Variants in PTH1R observed in about 807,000 individuals in gnomAD.
PTH1R encodes parathyroid hormone 1 receptor.
Under a neutral mutation model 70.7 loss-of-function variants are expected in PTH1R, and 32 were observed. The observed-to-expected ratio is 0.45, with a 90% CI of 0.34 to 0.61. The LOEUF is 0.61. Among genes scored for constraint, PTH1R ranks in the 20% least tolerant of loss-of-function variants. PTH1R has a pLI of 0.01. For synonymous variants in PTH1R, 329 were observed against 324.8 expected (o/e 1.01, Z -0.14); for missense variants, 626 against 792.5 (o/e 0.79, Z 2.52).
In PTH1R at chr3:46,901,360, C is replaced by A; in HGVS notation, c.1050-54C>A. On this transcript the variant is annotated intron_variant, in intron 11 of 15. Transcript: ENST00000449590. This position sits in a 1 kb window ranked among gnomAD's most constrained non-coding sequence, Gnocchi z 7.3. ...CAGACCAAATCTGGGTCTCTGTGGG[C>A]AGTCTTAGGATGGGAACAGGAGGGA... 2 of 1,544,840 alleles carry A rather than the reference C, an allele frequency of 1.3e-6. No homozygotes were observed. Among genetic ancestry groups the A allele is most frequent in the South Asian group, 1.2e-5 (1 of 83,956 alleles).
chr3:46,898,507 G>A (rs1559535663), intron 8 of PTH1R, 35 bp downstream of exon 8: 2 of 1,608,024 alleles, frequency 1.2e-6, no homozygotes, highest in South Asian at 1.1e-5. Context: ...GCGGGACATG[G>A]TGGAGGGGGG....
intron 1 of PTH1R, among the ~76,000 whole-genome samples, chr3:46,878,186 G>C (rs1360156787): frequency 2.0e-5 from 3 of 152,214 alleles, no homozygotes; most frequent in African/African-American, 7.2e-5. Context: ...CAAGGGAAGG[G>C]GGCTACCCAG....
At chr3:46,898,534 G>C in intron 8 of PTH1R, 62 bp downstream of exon 8, 4 of 1,603,142 alleles carry the variant, frequency 2.5e-6, no homozygotes, top group Non-Finnish European at 3.4e-6. Context: ...GCCGAGGTCT[G>C]ATGCGACCCC....
chr3:46,903,695 G>C lies in PTH1R; in HGVS notation c.*39G>C. 1.2e-6 allele frequency: 2 copies of C among 1,601,996 alleles called. No individual in the cohort carries two copies. The highest frequency in any genetic ancestry group is 1.7e-5 in the Admixed American group (1 of 60,016). ...GCTGGACCTGCTGACATAGTGGATG[G>C]ACAGATGGACCAAAAGATGGGTGGT... On this transcript the variant is annotated 3_prime_UTR_variant, in exon 16 of 16. Transcript: ENST00000449590. This position sits in a 1 kb window ranked among gnomAD's most constrained non-coding sequence, Gnocchi z 4.4.
At chr3:46,895,098 A>C (rs1217221185) in intron 4 of PTH1R, among the ~76,000 whole-genome samples, 17 of 151,090 alleles carry the variant, frequency 1.1e-4, no homozygotes, top group Non-Finnish European at 2.2e-4. Flanking sequence ...CAAACAAAAA[A>C]AAAAAACGTC....
At position 46,879,605 on chromosome 3, in the gene PTH1R, G is replaced by A. The variant is rs1016141408; in HGVS notation, c.-105-1457G>A. Among the ~76,000 whole-genome samples, 5 of 152,174 alleles carry A rather than the reference G, an allele frequency of 3.3e-5. No homozygotes were observed. Among genetic ancestry groups the A allele is most frequent in the Non-Finnish European group, 5.9e-5 (4 of 68,030 alleles). Reference sequence around the variant, plus strand: ...AAAAAAAAAATTTTTTAATTACCCAGGTGTGGTAGCTCATGCCTGTGGTGC... The same window carrying A: ...AAAAAAAAAATTTTTTAATTACCCAAGTGTGGTAGCTCATGCCTGTGGTGC... On this transcript the variant is annotated intron_variant, in intron 1 of 15. Transcript: ENST00000449590. This position sits in a 1 kb window ranked among gnomAD's most constrained non-coding sequence, Gnocchi z 4.7.
At chr3:46,899,242 C>T (rs2031967068) in intron 9 of PTH1R, 61 bp from the exon 10 acceptor site, 1 of 1,609,494 alleles carries the variant, frequency 6.2e-7, no homozygotes, top group East Asian at 2.2e-5. Flanking sequence ...AGCCCCCCAG[C>T]CCAGCCCTGA....
intron 10 of PTH1R, among the ~76,000 whole-genome samples, chr3:46,899,725 G>A (rs2032001479): frequency 6.6e-6 from 1 of 152,216 alleles, no homozygotes; most frequent in East Asian, 1.9e-4. Context: ...ATCAGGCCAA[G>A]ATTCAGCTCA....
In PTH1R at chr3:46,892,887, A is replaced by T. The variant is rs1273477268; in HGVS notation, c.76-1020A>T. The T allele has an allele frequency of 1.4e-5, 12 of 853,154 alleles. No individual in the cohort carries two copies. The highest frequency in any genetic ancestry group is 3.6e-5 in the African/African-American group (2 of 54,840). The allele number at this position is 853,154 out of a possible 1,614,324, so 52.8% of individuals were successfully genotyped here. A position where few individuals can be genotyped will look rare whatever the true frequency, so the allele number is the denominator to read the frequency against. ...GTCTGAGGAAACACGACCCTGAATTAAGAGGGATGGGGCTGAGGGCTTCAC... is the reference window on the plus strand; with the variant it reads ...GTCTGAGGAAACACGACCCTGAATTTAGAGGGATGGGGCTGAGGGCTTCAC... On this transcript the variant is annotated intron_variant, in intron 3 of 15. Transcript: ENST00000449590. The surrounding 1 kb of genome is among the most constrained non-coding windows in gnomAD (Gnocchi z 5.2).
At position 46,893,110 on chromosome 3, in the gene PTH1R, G is replaced by A. The variant is rs892635354; in HGVS notation, c.76-797G>A. ...TCTTATAATGAGGCCAGTGAGTCCC[G>A]GTGGGTGGCAGCCAGGGCCCAGGGT... is the stretch of plus-strand genomic sequence containing the variant. On this transcript the variant is annotated intron_variant, in intron 3 of 15. Coordinates refer to ENST00000449590, the MANE Select transcript of PTH1R (RefSeq NM_000316.3). The surrounding 1 kb of genome is among the most constrained non-coding windows in gnomAD (Gnocchi z 5.2). Among the ~76,000 whole-genome samples the A allele has an allele frequency of 6.6e-6, 1 of 152,134 alleles. No homozygotes were observed. Among genetic ancestry groups the A allele is most frequent in the African/African-American group, 2.4e-5 (1 of 41,420 alleles).
chr3:46,897,802 C>A, intron 5 of PTH1R, 53 bp from the exon 6 acceptor site: 1 of 1,490,484 alleles, frequency 6.7e-7, no homozygotes, highest in Non-Finnish European at 9.3e-7. Context: ...GGTCACTAAT[C>A]ATGGCCTTGA....
intron 3 of PTH1R, among the ~76,000 whole-genome samples, chr3:46,889,806 G>C (rs1056232742): frequency 6.6e-6 from 1 of 152,154 alleles, no homozygotes; most frequent in Non-Finnish European, 1.5e-5. Context: ...CCCAGCCCCA[G>C]TCCCTCAGTC....
chr3:46,888,675 T>A (rs920056041), intron 3 of PTH1R, among the ~76,000 whole-genome samples: 3 of 152,224 alleles, frequency 2.0e-5, no homozygotes, highest in Admixed American at 6.5e-5. Context: ...GCCAGTCTTA[T>A]GCCCGAGGTG....
Position 46,902,840 on chromosome 3 carries a change from G to T in PTH1R, c.1395+50G>T, listed in dbSNP as rs1342798411. 1 of 1,607,786 alleles carries T rather than the reference G, an allele frequency of 6.2e-7. No individual in the cohort carries two copies. Among genetic ancestry groups the T allele is most frequent in the South Asian group, 1.1e-5 (1 of 90,934 alleles). The stretch of plus-strand genomic sequence containing the variant: ...AGGGCAGGGTGGGGCAGATACCCCA[G>T]AGGCTTCCTCAAGGCTCATTTCTCC... On this transcript the variant is annotated intron_variant, in intron 15 of 15. Coordinates refer to ENST00000449590, the MANE Select transcript of PTH1R (RefSeq NM_000316.3). The surrounding 1 kb of genome is among the most constrained non-coding windows in gnomAD (Gnocchi z 5.4).
chr3:46,892,770 A>G lies in PTH1R; in HGVS notation c.76-1137A>G. 1 of 985,650 alleles carries G rather than the reference A, an allele frequency of 1.0e-6. No individual in the cohort carries two copies. The highest frequency in any genetic ancestry group is 1.2e-6 in the Non-Finnish European group (1 of 830,170). 61.1% of individuals were successfully genotyped at this position (985,650 alleles called of 1,614,324 possible). On this transcript the variant is annotated intron_variant, in intron 3 of 15. Coordinates refer to ENST00000449590, the MANE Select transcript of PTH1R (RefSeq NM_000316.3). This position sits in a 1 kb window ranked among gnomAD's most constrained non-coding sequence, Gnocchi z 5.2. ...CCCCGGCCCCGCCTTGGCGCGTCTG[A>G]AGGATGCAGCTCTGCCGCGGAGCTG...
rs1259165957 is a variant in PTH1R at position 46,879,697 on chromosome 3, T to A, written c.-105-1365T>A. On this transcript the variant is annotated intron_variant, in intron 1 of 15. Transcript: ENST00000449590. This position sits in a 1 kb window ranked among gnomAD's most constrained non-coding sequence, Gnocchi z 4.7. ...AGGAGGTCAAGGCTGCTGTGAGCCATGACCGTGCCACTGCACTCCAGCCTG... is the reference window on the plus strand; with the variant it reads ...AGGAGGTCAAGGCTGCTGTGAGCCAAGACCGTGCCACTGCACTCCAGCCTG... Among the ~76,000 whole-genome samples the A allele has an allele frequency of 7.9e-5, 12 of 152,058 alleles. 1 individual carries two copies. The East Asian group carries it at 2.3e-3, about 29-fold the overall frequency.
chr3:46,900,190 G>A (rs973089370), intron 10 of PTH1R, among the ~76,000 whole-genome samples: 8 of 152,092 alleles, frequency 5.3e-5, no homozygotes, highest in African/African-American at 1.4e-4. Flanking sequence ...CCTGCCCCTC[G>A]ACATACATCC....
At chr3:46,888,751 G>A (rs2031197648) in intron 3 of PTH1R, among the ~76,000 whole-genome samples, 1 of 152,134 alleles carries the variant, frequency 6.6e-6, no homozygotes, top group Non-Finnish European at 1.5e-5. Context: ...TGTTCTTCTG[G>A]GCCTTGATTC....
At chr3:46,898,951 C>A in intron 9 of PTH1R, 94 bp downstream of exon 9, 1 of 936,478 alleles carries the variant, frequency 1.1e-6, no homozygotes, top group African/African-American at 1.7e-5. Flanking sequence ...GCCCTGCCCG[C>A]CTCCTGCCAG....
Sources: gnomAD v4.1 joint callset for allele counts (sites outside exome capture counted in the v4.1 genomes callset) on GRCh38, gnomAD v4.1.1 for gene constraint, Gnocchi (gnomAD v3.1) non-coding constraint, MANE v1.5 for transcripts, NCBI Gene and HGNC (gene_info 2026-07-23, HGNC 2026-07-21) for gene names.